The following KCNH8 variants were observed in gnomAD, a reference collection of about 807,000 sequenced individuals.
KCNH8 encodes potassium voltage-gated channel subfamily H member 8, also known as voltage-gated delayed rectifier potassium channel KCNH8.
A neutral mutation model predicts 103.6 loss-of-function variants in KCNH8; 70 were observed. That is an observed-to-expected ratio of 0.68 (90% CI 0.56 to 0.82). The LOEUF (loss-of-function observed/expected upper bound fraction) is 0.82. Among genes scored for constraint, KCNH8 ranks in the 40% least tolerant of loss-of-function variants. The pLI, the probability that KCNH8 is intolerant of heterozygous loss-of-function variation, is 0.00. For synonymous variants in KCNH8, 498 were observed against 489.4 expected (o/e 1.02, Z -0.23); for missense variants, 1,217 against 1,329.9 (o/e 0.92, Z 1.32).
chr3:19,390,458 T>G (rs2066420280), intron 5 of KCNH8, 23 bp from the exon 6 acceptor site: 1 of 1,581,244 alleles, frequency 6.3e-7, no homozygotes, highest in Non-Finnish European at 8.6e-7. Context: ...CTTTTATTTC[T>G]CAACCTTTTT....
At chr3:19,218,130 C>T (rs910363209) in intron 1 of KCNH8, among the ~76,000 whole-genome samples, 4 of 152,142 alleles carry the variant, frequency 2.6e-5, no homozygotes, top group African/African-American at 4.8e-5. Flanking sequence ...AAATAGAAGA[C>T]CTATGTACTG....
At chr3:19,275,346 A>G (rs554745881) in intron 2 of KCNH8, among the ~76,000 whole-genome samples, 14 of 151,960 alleles carry the variant, frequency 9.2e-5, no homozygotes, top group African/African-American at 3.4e-4. Context: ...CTTAGCCACC[A>G]CCCAGTTCAG....
chr3:19,204,702 A>G (rs192910126), intron 1 of KCNH8, among the ~76,000 whole-genome samples: 40 of 152,238 alleles, frequency 2.6e-4, no homozygotes, highest in Admixed American at 1.9e-3. Flanking sequence ...TTTTTATGAT[A>G]GCCATAATTG....
intron 2 of KCNH8, among the ~76,000 whole-genome samples, chr3:19,265,816 C>G (rs1424325753): frequency 6.6e-6 from 1 of 152,018 alleles, no homozygotes; most frequent in South Asian, 2.1e-4. Flanking sequence ...ATTATAATAT[C>G]GACTGGCTAC....
intron 1 of KCNH8, among the ~76,000 whole-genome samples, chr3:19,204,684 C>A (rs1036256219): frequency 6.6e-6 from 1 of 151,890 alleles, no homozygotes; most frequent in Non-Finnish European, 1.5e-5. Flanking sequence ...TTTCTTTAGC[C>A]TGAAGTATTT....
At position 19,512,111 on chromosome 3, in the gene KCNH8, G is replaced by A. The variant is rs111835505; in HGVS notation, c.2080-859G>A. Among the ~76,000 whole-genome samples, 1,451 of 152,300 alleles carry A rather than the reference G, an allele frequency of 9.5e-3. 9 individuals are homozygous for A. Among genetic ancestry groups the A allele is most frequent in the Middle Eastern group, 0.031 (9 of 294 alleles). ...TCAAAAAAGACAGAAGCACAGAAAA[G>A]TGAGCAGAGAAGCCATGTCTGGGGC... On this transcript the variant is annotated intron_variant, in intron 12 of 15. Transcript: ENST00000328405.
chr3:19,231,416 T>A (rs1027334484), intron 1 of KCNH8, among the ~76,000 whole-genome samples: 3 of 152,108 alleles, frequency 2.0e-5, no homozygotes, highest in Non-Finnish European at 4.4e-5. Context: ...GAAAATCTGG[T>A]GGTCTTTGTA....
At chr3:19,250,206 A>G (rs2064258173) in intron 1 of KCNH8, among the ~76,000 whole-genome samples, 1 of 152,142 alleles carries the variant, frequency 6.6e-6, no homozygotes, top group Admixed American at 6.5e-5. Context: ...TTGAGGCTGC[A>G]GCGAGCTGTG....
chr3:19,222,014 C>CT (rs961295784), intron 1 of KCNH8, among the ~76,000 whole-genome samples: 8 of 151,850 alleles, frequency 5.3e-5, no homozygotes, highest in Non-Finnish European at 8.8e-5. Flanking sequence ...CACCAGGCTA[C>CT]TTTTTTTTGT....
intron 7 of KCNH8, among the ~76,000 whole-genome samples, chr3:19,419,030 G>A (rs925054456): frequency 1.2e-4 from 19 of 152,028 alleles, no homozygotes; most frequent in African/African-American, 3.6e-4. Flanking sequence ...ATAGATACAT[G>A]ATAGGAAATG....
rs185230673 is a variant in KCNH8, at chr3:19,316,055, G to A, written c.443-26532G>A. The stretch of plus-strand genomic sequence containing the variant: ...AAAGATTTAAAAGAAATTAAGTCAT[G>A]TATTAATTTCAAGTCATTTCATTAT... On this transcript the variant is annotated intron_variant, in intron 3 of 15. Transcript: ENST00000328405. Among the ~76,000 whole-genome samples the A allele has an allele frequency of 3.9e-3, 598 of 152,054 alleles. 4 individuals are homozygous for A. The highest frequency in any genetic ancestry group is 0.013 in the African/African-American group (554 of 41,514).
At chr3:19,308,650 GTCTCTC>G (rs1163604706) in intron 3 of KCNH8, among the ~76,000 whole-genome samples, 10 of 51,368 alleles carry the variant, frequency 1.9e-4, no homozygotes, top group East Asian at 6.8e-4. Context: ...GAATGTTGGG[GTCTCTC>G]TCTCTCTCTC....
intron 7 of KCNH8, among the ~76,000 whole-genome samples, chr3:19,404,657 T>C (rs567092147): frequency 2.6e-4 from 40 of 151,940 alleles, no homozygotes; most frequent in African/African-American, 9.4e-4. Flanking sequence ...GATCTTAGGG[T>C]GGCCTAAAAG....
intron 2 of KCNH8, among the ~76,000 whole-genome samples, chr3:19,261,191 G>A (rs1483491908): frequency 1.3e-5 from 2 of 151,214 alleles, no homozygotes; most frequent in African/African-American, 4.9e-5. Context: ...TTTCATAATG[G>A]CTTCACCAAT....
intron 1 of KCNH8, among the ~76,000 whole-genome samples, chr3:19,195,543 T>A (rs2063592382): frequency 1.3e-5 from 2 of 152,018 alleles, no homozygotes; most frequent in Non-Finnish European, 2.9e-5. Context: ...TGCTTTATCA[T>A]TTAACAATGG....
chr3:19,349,830 T>C (rs1259651342), intron 5 of KCNH8, among the ~76,000 whole-genome samples: 1 of 152,148 alleles, frequency 6.6e-6, no homozygotes, highest in African/African-American at 2.4e-5. Context: ...TGTTTTTTAT[T>C]ACTGTCATTT....
chr3:19,395,810 A>G (rs979678457), intron 7 of KCNH8, among the ~76,000 whole-genome samples: 5 of 152,048 alleles, frequency 3.3e-5, no homozygotes, highest in African/African-American at 1.2e-4. Context: ...CATTCTCCAC[A>G]TTTAGCACAC....
chr3:19,386,479 A>G (rs928924786), intron 5 of KCNH8, among the ~76,000 whole-genome samples: 1 of 152,092 alleles, frequency 6.6e-6, no homozygotes, highest in Non-Finnish European at 1.5e-5. Flanking sequence ...CATGTGCCAT[A>G]AAGGATTGCT....
chr3:19,360,550 C>G (rs1035487621), intron 5 of KCNH8, among the ~76,000 whole-genome samples: 1 of 152,074 alleles, frequency 6.6e-6, no homozygotes, highest in African/African-American at 2.4e-5. Flanking sequence ...CTAAAATCTT[C>G]ACAATCAGTC....
Sources: allele counts gnomAD v4.1 joint callset (sites outside exome capture counted in the v4.1 genomes callset), GRCh38; gene constraint gnomAD v4.1.1; transcripts MANE v1.5; gene names NCBI Gene and HGNC (gene_info 2026-07-23, HGNC 2026-07-21).